Variants in TTLL13 observed in about 807,000 individuals in gnomAD.
TTLL13 encodes tubulin tyrosine ligase like 13.
At chr15:90,260,598 A>G in the TTLL13 span, among the ~76,000 whole-genome samples, 3 of 152,250 alleles carry the variant, frequency 2.0e-5, no homozygotes, top group Admixed American at 6.5e-5. Context: ...CAGGCCTGTA[A>G]TCTCAGCCCT....
the TTLL13 span, chr15:90,249,950 T>A: frequency 7.0e-6 from 1 of 143,738 alleles, no homozygotes; most frequent in South Asian, 2.1e-4. Context: ...TATTTTATTT[T>A]ATTTATTTAT....
At chr15:90,263,272 T>TGC in the TTLL13 span, 13 of 843,902 alleles carry the variant, frequency 1.5e-5, no homozygotes, top group East Asian at 2.7e-5. Flanking sequence ...GAAAGCAGAG[T>TGC]GCGCTAGCTG....
the TTLL13 span, among the ~76,000 whole-genome samples, chr15:90,251,280 A>ATT: frequency 0.015 from 1,681 of 109,504 alleles, 62 homozygotes; most frequent in African/African-American, 0.034. Context: ...CGCATGGCAA[A>ATT]TTTTTTTTTT....
At chr15:90,252,302 G>A in the TTLL13 span, among the ~76,000 whole-genome samples, 1 of 151,984 alleles carries the variant, frequency 6.6e-6, no homozygotes, top group Non-Finnish European at 1.5e-5. Flanking sequence ...CTCCCAAAGT[G>A]CTGGGATTAC....
the TTLL13 span, chr15:90,262,657 C>A: frequency 1.1e-5 from 16 of 1,491,262 alleles, no homozygotes; most frequent in Non-Finnish European, 1.4e-5. Flanking sequence ...GGAACCGCAA[C>A]TGGGAGAAAG....
chr15:90,255,983 G>A, the TTLL13 span: 3 of 1,583,476 alleles, frequency 1.9e-6, no homozygotes, highest in East Asian at 6.7e-5. Flanking sequence ...TCAGAGGGAT[G>A]GAAGTGGAAT....
chr15:90,251,114 C>CTTTTTCTTTTT, the TTLL13 span, among the ~76,000 whole-genome samples: 1 of 104,672 alleles, frequency 9.6e-6, no homozygotes. Flanking sequence ...CCTGGTCTGT[C>CTTTTTCTTTTT]TTTTTTTTTT....
At chr15:90,263,568 C>G in the TTLL13 span, 2 of 566,372 alleles carry the variant, frequency 3.5e-6, no homozygotes, top group Non-Finnish European at 3.1e-6. Flanking sequence ...TTTCACTATT[C>G]CCTGGGCTGG....
the TTLL13 span, chr15:90,263,673 C>T: frequency 1.6e-6 from 1 of 606,100 alleles, no homozygotes; most frequent in Non-Finnish European, 2.9e-6. Flanking sequence ...TTTCAGTTAC[C>T]TCCTTCTTCC....
At chr15:90,257,372 C>G in the TTLL13 span, 1 of 1,494,786 alleles carries the variant, frequency 6.7e-7, no homozygotes, top group Non-Finnish European at 9.0e-7. Context: ...TCACTGTCAC[C>G]AAAGAACAAG....
At chr15:90,256,021 G>C in the TTLL13 span, 2 of 1,556,834 alleles carry the variant, frequency 1.3e-6, no homozygotes, top group Non-Finnish European at 1.7e-6. Flanking sequence ...TCAAAGAAAA[G>C]AGGGTCTGAG....
the TTLL13 span, among the ~76,000 whole-genome samples, chr15:90,259,362 C>T: frequency 6.6e-6 from 1 of 151,876 alleles, no homozygotes; most frequent in Non-Finnish European, 1.5e-5. Flanking sequence ...TGCACTCCAG[C>T]CTGGGCAACA....
chr15:90,255,091 T>A, the TTLL13 span, among the ~76,000 whole-genome samples: 4 of 152,244 alleles, frequency 2.6e-5, no homozygotes, highest in Non-Finnish European at 1.5e-5. Flanking sequence ...TCTTTGTGGC[T>A]GTCCCCCTGT....
the TTLL13 span, chr15:90,257,536 G>A: frequency 7.8e-6 from 9 of 1,149,350 alleles, no homozygotes; most frequent in South Asian, 5.6e-5. Flanking sequence ...GACAGGAGAC[G>A]AGAGATCCTC....
chr15:90,255,603 T>C, the TTLL13 span: 2 of 1,096,600 alleles, frequency 1.8e-6, no homozygotes, highest in Non-Finnish European at 2.7e-6. Flanking sequence ...GGAACCTTCC[T>C]ATGTTTGCCC....
At chr15:90,256,046 G>A in the TTLL13 span, 2 of 1,555,714 alleles carry the variant, frequency 1.3e-6, no homozygotes, top group Non-Finnish European at 1.7e-6. Flanking sequence ...AGTGCTCCAG[G>A]AAGAGCATGG....
At chr15:90,251,480 G>C in the TTLL13 span, 1 of 1,415,122 alleles carries the variant, frequency 7.1e-7, no homozygotes, top group Non-Finnish European at 1.0e-6. Context: ...TTGTGAATTT[G>C]TTGGATGTCT....
chr15:90,260,623 T>C, the TTLL13 span, among the ~76,000 whole-genome samples: 1 of 151,922 alleles, frequency 6.6e-6, no homozygotes, highest in South Asian at 2.1e-4. Context: ...GAGGCTGAGG[T>C]GGGCGGATCA....
the TTLL13 span, chr15:90,262,213 T>C: frequency 6.6e-7 from 1 of 1,511,644 alleles, no homozygotes; most frequent in South Asian, 1.3e-5. Context: ...GACATTCTCC[T>C]CTGCACACCT....
Sources: allele counts gnomAD v4.1 joint callset (sites outside exome capture counted in the v4.1 genomes callset), GRCh38; gene constraint gnomAD v4.1.1; transcripts MANE v1.5; gene names NCBI Gene and HGNC (gene_info 2026-07-23, HGNC 2026-07-21).